BCR: variants seen among roughly 807,000 people sequenced by gnomAD.
The protein encoded by BCR is BCR activator of RhoGEF and GTPase, also known as breakpoint cluster region protein.
Under a neutral mutation model 138.6 loss-of-function variants are expected in BCR, and 58 were observed. The observed-to-expected ratio is 0.42, with a 90% confidence interval of 0.34 to 0.52. BCR has a LOEUF of 0.52. Among genes scored for constraint, BCR ranks in the 20% least tolerant of loss-of-function variants. The probability of loss-of-function intolerance (pLI) is 0.06; values close to 1 mark genes in which losing one functional copy is unlikely to be tolerated. For missense variants in BCR, 1,599 were observed against 1,727.2 expected, an observed-to-expected ratio of 0.93 and a Z score of 1.32; for synonymous variants, 786 against 730.1, an observed-to-expected ratio of 1.08 and a Z score of -1.23.
At chr22:23,226,060 C>T (rs977632893) in intron 1 of BCR, among the ~76,000 whole-genome samples, 4 of 152,214 alleles carry the variant, frequency 2.6e-5, no homozygotes, top group African/African-American at 9.7e-5. Context: ...GAGCCTGGGT[C>T]CCCTGGCAGG....
chr22:23,190,529 T>C lies in BCR; in HGVS notation c.1279+8290T>C, dbSNP rs1339885886. ...GATTAAGGTGGGCAGTAAAGACCCC[T>C]GCTTTAACTTAATCAGTTCTTGAAA... On this transcript the variant is annotated intron_variant, in intron 1 of 22. Transcript: ENST00000305877. Among the ~76,000 whole-genome samples the C allele has an allele frequency of 1.1e-4, 16 of 152,342 alleles. No individual in the cohort carries two copies. In the East Asian group the frequency reaches 2.9e-3, roughly 28 times the overall value.
At chr22:23,234,486 G>C (rs1452487794) in intron 1 of BCR, among the ~76,000 whole-genome samples, 2 of 152,146 alleles carry the variant, frequency 1.3e-5, no homozygotes, top group East Asian at 3.9e-4. Flanking sequence ...GCCTGGACAT[G>C]GGCTGTAGCG....
intron 1 of BCR, among the ~76,000 whole-genome samples, chr22:23,231,036 A>G (rs1349827000): frequency 6.6e-6 from 1 of 152,178 alleles, no homozygotes; most frequent in Admixed American, 6.5e-5. Flanking sequence ...TTCCCCCTCC[A>G]TCAAATGAGA....
chr22:23,262,092 ATCACACCCTGTGTGC>A (rs2073367103), intron 4 of BCR: 1 of 34,354 alleles, frequency 2.9e-5, no homozygotes, highest in Non-Finnish European at 5.3e-5. Context: ...GGTGCACGCC[ATCACACCCTGTGTGC>A]GCCATCACAC....
At chr22:23,279,055 A>T (rs1416860904) in intron 8 of BCR, among the ~76,000 whole-genome samples, 3 of 152,150 alleles carry the variant, frequency 2.0e-5, no homozygotes, top group African/African-American at 7.2e-5. Flanking sequence ...GTGGAGCTGG[A>T]GCCTGCTGCA....
chr22:23,290,674 A>T (rs6003601), intron 14 of BCR: 43,092 of 492,476 alleles, frequency 0.088, 2,474 homozygotes, highest in African/African-American at 0.21. Context: ...AGGTGGATCG[A>T]GTAATTGCAG....
chr22:23,282,799 G>C (rs917006568), intron 8 of BCR, among the ~76,000 whole-genome samples: 1 of 152,222 alleles, frequency 6.6e-6, no homozygotes, highest in African/African-American at 2.4e-5. Flanking sequence ...TCTCAGTGCA[G>C]GGCGGGCGTC....
Position 23,253,965 on chromosome 22 carries a change from G to A in BCR, c.1446G>A (p.Leu482=). The A allele has an allele frequency of 6.2e-7, 1 of 1,612,410 alleles. No individual in the cohort carries two copies. The highest frequency in any genetic ancestry group is 8.5e-7 in the Non-Finnish European group (1 of 1,179,682). ...GSRDALVSGA[L]ESTKASELDL... The stretch of plus-strand genomic sequence containing the variant: ...GGGATGCGCTGGTCTCGGGAGCCCT[G>A]GAGTCCACTAAAGCGGTGAGTCCCC... The change falls in exon 2 of 23, where the codon CTG becomes CTA. Residue 482 remains leucine, a synonymous_variant. Coordinates refer to ENST00000305877, the MANE Select transcript of BCR (RefSeq NM_004327.4).
At chr22:23,221,495 TC>T (rs2146232283) in intron 1 of BCR, among the ~76,000 whole-genome samples, 1 of 152,334 alleles carries the variant, frequency 6.6e-6, no homozygotes. Context: ...ACAGGAGGGT[TC>T]CAGGATGATA....
intron 1 of BCR, among the ~76,000 whole-genome samples, chr22:23,242,588 G>A (rs939302451): frequency 3.9e-5 from 6 of 152,182 alleles, no homozygotes; most frequent in African/African-American, 9.6e-5. Context: ...TCCATGGGGC[G>A]TCTTTGCAGC....
chr22:23,252,448 T>TTG (rs1555879561), intron 1 of BCR, among the ~76,000 whole-genome samples: 2 of 147,198 alleles, frequency 1.4e-5, no homozygotes, highest in African/African-American at 5.0e-5. Context: ...TTTTTTTTTT[T>TTG]GAGACAGAGT....
intron 2 of BCR, chr22:23,254,569 GC>G (rs11435513): frequency 7.7e-6 from 4 of 518,412 alleles, no homozygotes; most frequent in East Asian, 1.1e-4. Context: ...GTGGACCCAC[GC>G]CCCCCCTCAC....
chr22:23,275,848 C>G (rs920596359), intron 8 of BCR, among the ~76,000 whole-genome samples: 1 of 152,214 alleles, frequency 6.6e-6, no homozygotes, highest in South Asian at 2.1e-4. Flanking sequence ...TGTGGGCGTC[C>G]TTTTTCCCAT....
intron 1 of BCR, among the ~76,000 whole-genome samples, chr22:23,247,623 G>T (rs576718894): frequency 2.6e-5 from 4 of 152,278 alleles, no homozygotes; most frequent in Admixed American, 1.3e-4. Flanking sequence ...GCCACACCAC[G>T]GATGGAGGAT....
At chr22:23,210,416 CAAAAA>C (rs2072667932) in intron 1 of BCR, among the ~76,000 whole-genome samples, 1 of 109,540 alleles carries the variant, frequency 9.1e-6, no homozygotes, top group Admixed American at 9.3e-5. Flanking sequence ...GACCCTGTCT[CAAAAA>C]GAAAAAAAAA....
At chr22:23,243,207 A>G (rs1309611748) in intron 1 of BCR, among the ~76,000 whole-genome samples, 3 of 151,998 alleles carry the variant, frequency 2.0e-5, no homozygotes, top group African/African-American at 4.8e-5. Context: ...TAATGAGGTG[A>G]TGCTTGAGGG....
At chr22:23,226,872 C>T (rs893028602) in intron 1 of BCR, among the ~76,000 whole-genome samples, 10 of 152,128 alleles carry the variant, frequency 6.6e-5, no homozygotes, top group African/African-American at 2.4e-4. Flanking sequence ...AACAGGTCCC[C>T]TCAGTTGCAC....
chr22:23,199,818 C>T (rs1053006362), intron 1 of BCR, among the ~76,000 whole-genome samples: 2 of 152,080 alleles, frequency 1.3e-5, no homozygotes, highest in African/African-American at 2.4e-5. Flanking sequence ...GGGCCAGGCG[C>T]GATGGCTCAC....
intron 1 of BCR, among the ~76,000 whole-genome samples, chr22:23,219,142 T>A (rs1019086287): frequency 2.6e-5 from 4 of 152,094 alleles, no homozygotes; most frequent in African/African-American, 9.7e-5. Context: ...TTAAAAATAA[T>A]CCAGGGGGAG....
Sources: allele counts gnomAD v4.1 joint callset (sites outside exome capture counted in the v4.1 genomes callset), GRCh38; gene constraint gnomAD v4.1.1; transcripts MANE v1.5; gene names NCBI Gene and HGNC (gene_info 2026-07-23, HGNC 2026-07-21).